Variants in CYP2B6 observed in about 807,000 individuals in gnomAD.
The protein encoded by CYP2B6 is cytochrome P450 family 2 subfamily B member 6.
CYP2B6 carries 35 observed loss-of-function variants against 43.4 expected under a neutral mutation model. That is an observed-to-expected ratio of 0.81 (90% CI 0.62 to 1.07). The LOEUF (loss-of-function observed/expected upper bound fraction) is 1.07. CYP2B6 is among the 50% of genes least tolerant of loss of function. CYP2B6 has a pLI of 0.00. For synonymous variants in CYP2B6, 239 were observed against 239.2 expected (o/e 1.00, Z 0.01); for missense variants, 624 against 632.8 (o/e 0.99, Z 0.15).
At chr19:41,016,433 A>AAAAAAAAGAGAG (rs1568564700) in intron 8 of CYP2B6, among the ~76,000 whole-genome samples, 15 of 98,964 alleles carry the variant, frequency 1.5e-4, no homozygotes, top group African/African-American at 6.3e-4. Context: ...AAAAAAAAAA[A>AAAAAAAAGAGAG]AGAGAGAGAG....
chr19:41,004,296 G>C lies in CYP2B6; in HGVS notation c.335-1G>C. On this transcript the variant is annotated splice_acceptor_variant, in intron 2 of 8. Coordinates refer to ENST00000324071, the MANE Select transcript of CYP2B6 (RefSeq NM_000767.5). LOFTEE classifies it high-confidence loss of function. ...CAACCCACACCTCCCCTGCACCCCA[G>C]GTGTGATCTTTGCCAATGGAAACCG... is the stretch of plus-strand genomic sequence containing the variant. The C allele has an allele frequency of 1.2e-6, 2 of 1,613,914 alleles. No homozygotes were observed.
At chr19:41,009,838 A>G in intron 5 of CYP2B6, 156 bp from the exon 6 acceptor site, 3 of 732,270 alleles carry the variant, frequency 4.1e-6, no homozygotes, top group Non-Finnish European at 2.4e-6. Context: ...AGTTAGAGAT[A>G]CGCGGTTGGA....
intron 1 of CYP2B6, among the ~76,000 whole-genome samples, chr19:41,003,334 C>G (rs773595525): frequency 9.2e-5 from 14 of 152,014 alleles, no homozygotes; most frequent in Non-Finnish European, 1.6e-4. Context: ...GTGGTATACA[C>G]AGTGCAGACA....
intron 8 of CYP2B6, among the ~76,000 whole-genome samples, chr19:41,015,212 A>G (rs576087874): frequency 3.5e-4 from 53 of 152,316 alleles, no homozygotes; most frequent in African/African-American, 1.2e-3. Context: ...AGAAATTCGA[A>G]AGGTGTCCAA....
rs749632276 is a variant in CYP2B6, at chr19:41,012,861, A to G, written c.1294+46A>G. 3.1e-6 allele frequency: 5 copies of G among 1,605,956 alleles called. No individual in the cohort carries two copies. In the Admixed American group the frequency reaches 6.7e-5, roughly 21 times the overall value. ...CTTTCCCAGACACCAGAGGGCAGGT[A>G]CTATCCCCAACTTGAGAAAAACAAC... On this transcript the variant is annotated intron_variant, in intron 8 of 8. Coordinates refer to ENST00000324071, the MANE Select transcript of CYP2B6 (RefSeq NM_000767.5).
intron 1 of CYP2B6, 177 bp from the exon 2 acceptor site, chr19:41,003,824 T>C: frequency 1.2e-6 from 1 of 816,928 alleles, no homozygotes; most frequent in Non-Finnish European, 2.1e-6. Flanking sequence ...TTCTCTCCCT[T>C]GGACAGCGTT....
chr19:40,995,666 G>T (rs549899589), intron 1 of CYP2B6, among the ~76,000 whole-genome samples: 26 of 152,270 alleles, frequency 1.7e-4, no homozygotes, highest in African/African-American at 6.0e-4. Flanking sequence ...ATTATTAGGG[G>T]CATAGGCCCT....
At chr19:41,014,914 A>C (rs1263777378) in intron 8 of CYP2B6, among the ~76,000 whole-genome samples, 2 of 152,018 alleles carry the variant, frequency 1.3e-5, no homozygotes, top group African/African-American at 4.8e-5. Flanking sequence ...AATAAGAGAT[A>C]GGAAAAAGAG....
chr19:41,013,206 G>A (rs1036460479), intron 8 of CYP2B6, among the ~76,000 whole-genome samples: 283 of 152,172 alleles, frequency 1.9e-3, no homozygotes, highest in African/African-American at 6.0e-3. Context: ...GGGAAGATGG[G>A]CATTCATCAA....
rs549256924 is a variant in CYP2B6 at position 41,007,877 on chromosome 19, C to G, written c.645+812C>G. On this transcript the variant is annotated intron_variant, in intron 4 of 8. Transcript: ENST00000324071. Reference sequence around the variant, plus strand: ...CTGACCTCAAGTGATCTGCCCGCCTCAGACTCCTAAAGTGCTGGAATTACA... The same window carrying G: ...CTGACCTCAAGTGATCTGCCCGCCTGAGACTCCTAAAGTGCTGGAATTACA... Among the ~76,000 whole-genome samples, 10 of 152,202 alleles carry G rather than the reference C, an allele frequency of 6.6e-5. No homozygotes were observed. The South Asian group carries it at 2.1e-3, about 32-fold the overall frequency.
At chr19:40,994,742 A>T (rs915020377) in intron 1 of CYP2B6, among the ~76,000 whole-genome samples, 1 of 152,154 alleles carries the variant, frequency 6.6e-6, no homozygotes, top group African/African-American at 2.4e-5. Context: ...TGCAGCCATT[A>T]TTCAGATACA....
At chr19:41,006,880 T>A (rs376972496) in intron 3 of CYP2B6, 25 bp from the exon 4 acceptor site, 1 of 1,610,880 alleles carries the variant, frequency 6.2e-7, no homozygotes, top group African/African-American at 1.3e-5. Flanking sequence ...TCAGTCTGTG[T>A]CCTTGACCTG....
Position 41,007,033 on chromosome 19 carries a change from A to G in CYP2B6, c.613A>G (p.Thr205Ala). 6.2e-7 allele frequency: 1 copy of G among 1,614,094 alleles called. No homozygotes were observed. The highest frequency in any genetic ancestry group is 1.6e-4 in the Middle Eastern group (1 of 6,062). Residue 205 changes from threonine (T) to alanine (A), a missense_variant, in exon 4 of 9, where the codon ACT becomes GCT. Coordinates refer to ENST00000324071, the MANE Select transcript of CYP2B6 (RefSeq NM_000767.5). ...GAAGATGCTGAACTTGTTCTACCAG[A>G]CTTTTTCACTCATCAGCTCTGTATT... ...FLKMLNLFYQ[T>A]FSLISSVFGQ... is the part of the protein sequence containing the mutation.
At chr19:41,014,013 T>C (rs1969324235) in intron 8 of CYP2B6, among the ~76,000 whole-genome samples, 1 of 152,178 alleles carries the variant, frequency 6.6e-6, no homozygotes, top group African/African-American at 2.4e-5. Context: ...GTTACAAGAA[T>C]ATACTCTCAA....
intron 6 of CYP2B6, among the ~76,000 whole-genome samples, chr19:41,011,150 C>T (rs1426402147): frequency 6.6e-6 from 1 of 152,148 alleles, no homozygotes; most frequent in African/African-American, 2.4e-5. Context: ...TTCATCCATC[C>T]TTCTACGAAC....
chr19:41,009,713 GA>G (rs1969248391), intron 5 of CYP2B6: 4 of 595,548 alleles, frequency 6.7e-6, no homozygotes, highest in Non-Finnish European at 1.2e-5. Context: ...AGCAACAAGA[GA>G]AAAAACTCAC....
Position 40,991,462 on chromosome 19 carries a change from A to G in CYP2B6, c.157A>G (p.Lys53Glu). The G allele has an allele frequency of 1.2e-6, 2 of 1,613,848 alleles. No homozygotes were observed. Among genetic ancestry groups the G allele is most frequent in the Non-Finnish European group, 1.7e-6 (2 of 1,180,020 alleles). Residue 53 changes from lysine to glutamate, a missense_variant, in exon 1 of 9, where the codon AAA becomes GAA. Physicochemically the swap from Lys to Glu is moderately conservative, Grantham distance 56 (BLOSUM62 1). Transcript: ENST00000324071. Reference protein sequence around the residue: ...LLQMDRRGLLKSFLRFREKYG... With the variant: ...LLQMDRRGLLESFLRFREKYG... ...GCAGATGGATAGAAGAGGCCTACTCAAATCCTTTCTGAGGGTAAGACACAG... is the reference window on the plus strand; with the variant it reads ...GCAGATGGATAGAAGAGGCCTACTCGAATCCTTTCTGAGGGTAAGACACAG...
intron 1 of CYP2B6, among the ~76,000 whole-genome samples, chr19:41,002,034 G>A (rs145990608): frequency 1.4e-4 from 22 of 152,184 alleles, no homozygotes; most frequent in African/African-American, 5.1e-4. Context: ...CAGGAAAAAT[G>A]TCAGAGAACA....
intron 1 of CYP2B6, among the ~76,000 whole-genome samples, chr19:40,999,114 A>G (rs1166992762): frequency 6.6e-6 from 1 of 151,184 alleles, no homozygotes; most frequent in Non-Finnish European, 1.5e-5. Flanking sequence ...AATGATTGCC[A>G]TTCTAACTGG....
Sources: gnomAD v4.1 joint callset for allele counts (sites outside exome capture counted in the v4.1 genomes callset) on GRCh38, gnomAD v4.1.1 for gene constraint, MANE v1.5 for transcripts, NCBI Gene and HGNC (gene_info 2026-07-23, HGNC 2026-07-21) for gene names.